Variants in LANCL1 observed in about 807,000 individuals in gnomAD.
LANCL1 encodes glutathione S-transferase LANCL1.
In LANCL1, 50 loss-of-function variants were observed where a neutral mutation model predicts 50.6. That is an observed-to-expected ratio of 0.99 (90% CI 0.79 to 1.25). The LOEUF (loss-of-function observed/expected upper bound fraction) is 1.25, where lower values mean the gene tolerates loss of function less well. LANCL1 is among the 50% of genes most tolerant of loss of function. LANCL1 has a pLI of 0.00. For synonymous variants in LANCL1, 188 were observed against 178.6 expected (o/e 1.05, Z -0.42); for missense variants, 532 against 480.7 (o/e 1.11, Z -1.00).
intron 3 of LANCL1, among the ~76,000 whole-genome samples, chr2:210,455,784 TAA>T (rs1195502335): frequency 1.3e-5 from 2 of 150,646 alleles, no homozygotes; most frequent in African/African-American, 4.9e-5. Flanking sequence ...TCTCTTTACG[TAA>T]AAGTTTGTTT....
chr2:210,438,029 T>C lies in LANCL1; in HGVS notation c.691-157A>G, dbSNP rs996986952. Among the ~76,000 whole-genome samples, 148 of 152,346 alleles carry C rather than the reference T, an allele frequency of 9.7e-4. 1 individual carries two copies. Among genetic ancestry groups the C allele is most frequent in the Middle Eastern group, 6.8e-3 (2 of 294 alleles). On this transcript the variant is annotated intron_variant, in intron 6 of 9. Coordinates refer to ENST00000450366, the MANE Select transcript of LANCL1 (RefSeq NM_006055.3). ...AATTTTTCCACCTATTGGATGCCTTTATTTTAAGCTTTTGTGATTTCATTT... is the reference window on the plus strand; with the variant it reads ...AATTTTTCCACCTATTGGATGCCTTCATTTTAAGCTTTTGTGATTTCATTT...
At position 210,431,815 on chromosome 2, in the gene LANCL1, C is replaced by T. The variant is rs1692754216; in HGVS notation, c.*2672G>A. On this transcript the variant is annotated 3_prime_UTR_variant, in exon 10 of 10. Transcript: ENST00000450366. Reference sequence around the variant, plus strand: ...CAGGATTAAAGACTGACAACTCAGGCCACACCGCCGTCCATGGTATCTATG... The same window carrying T: ...CAGGATTAAAGACTGACAACTCAGGTCACACCGCCGTCCATGGTATCTATG... The T allele has an allele frequency of 6.6e-6, 1 of 152,176 alleles. No individual in the cohort carries two copies. Among genetic ancestry groups the T allele is most frequent in the Admixed American group, 6.5e-5 (1 of 15,282 alleles). The allele number at this position is 152,176 out of a possible 1,614,324, so 9.4% of individuals were successfully genotyped here. A position where few individuals can be genotyped will look rare whatever the true frequency, so the allele number is the denominator to read the frequency against.
At chr2:210,452,981 T>G (rs1390343227) in intron 4 of LANCL1, among the ~76,000 whole-genome samples, 2 of 152,272 alleles carry the variant, frequency 1.3e-5, no homozygotes, top group Non-Finnish European at 2.9e-5. Context: ...TTCTTGAAAT[T>G]AAGTCAAATT....
intron 4 of LANCL1, among the ~76,000 whole-genome samples, chr2:210,454,380 G>A (rs545572571): frequency 4.5e-4 from 69 of 152,110 alleles, no homozygotes; most frequent in Middle Eastern, 3.4e-3. Context: ...ATTAGCCAAC[G>A]GATCCTAGAC....
At chr2:210,442,591 G>C (rs1177830555) in intron 4 of LANCL1, 1 of 152,156 alleles carries the variant, frequency 6.6e-6, no homozygotes, top group African/African-American at 2.4e-5. Flanking sequence ...TCAAAATGTG[G>C]CTCTAAAACC....
intron 3 of LANCL1, among the ~76,000 whole-genome samples, chr2:210,470,683 A>G (rs1456156572): frequency 1.3e-5 from 2 of 152,194 alleles, no homozygotes; most frequent in Admixed American, 1.3e-4. Flanking sequence ...TGTACTAAAG[A>G]GGAAGACTAA....
At chr2:210,460,100 A>T (rs1406563098) in intron 3 of LANCL1, among the ~76,000 whole-genome samples, 4 of 152,152 alleles carry the variant, frequency 2.6e-5, no homozygotes, top group Non-Finnish European at 5.9e-5. Flanking sequence ...CAGATACATG[A>T]ATCTCTCAAA....
chr2:210,448,049 T>G (rs975158296), intron 4 of LANCL1, among the ~76,000 whole-genome samples: 1 of 152,206 alleles, frequency 6.6e-6, no homozygotes, highest in Non-Finnish European at 1.5e-5. Flanking sequence ...CAACAGAATG[T>G]ACATTCTTCT....
At position 210,472,066 on chromosome 2, in the gene LANCL1, T is replaced by A. The variant is rs759734179; in HGVS notation, c.92A>T (p.Glu31Val). 2.5e-6 allele frequency: 4 copies of A among 1,611,694 alleles called. No homozygotes were observed. The African/African-American group carries it at 5.3e-5, about 22-fold the overall frequency. ...YFDAAGRLTP[E>V]FSQRLTNKIR... ...CTTATTGGTCAAGCGTTGTGAGAAC[T>A]CAGGAGTCAGCTAGATATTAAAGGA... Residue 31 changes from glutamate to valine, a missense_variant, in exon 3 of 10, where the codon GAG becomes GTG. By Grantham distance (121) the Glu-to-Val change is moderately radical. Coordinates refer to ENST00000450366, the MANE Select transcript of LANCL1 (RefSeq NM_006055.3).
At chr2:210,475,516 A>G (rs1426263721) in intron 2 of LANCL1, among the ~76,000 whole-genome samples, 2 of 152,112 alleles carry the variant, frequency 1.3e-5, no homozygotes, top group Admixed American at 1.3e-4. Flanking sequence ...AAATTTTAGT[A>G]GAGATAAGGT....
At chr2:210,459,563 A>G (rs1693780246) in intron 3 of LANCL1, among the ~76,000 whole-genome samples, 1 of 152,184 alleles carries the variant, frequency 6.6e-6, no homozygotes, top group African/African-American at 2.4e-5. Context: ...ACATGTGGCT[A>G]GTGGCTGTCG....
intron 4 of LANCL1, among the ~76,000 whole-genome samples, chr2:210,454,215 TACATAC>T (rs1559714483): frequency 1.6e-5 from 2 of 127,842 alleles, no homozygotes; most frequent in Non-Finnish European, 3.3e-5. Flanking sequence ...GAGATATGCA[TACATAC>T]ACACACACAC....
chr2:210,470,048 T>G (rs1694179433), intron 3 of LANCL1, among the ~76,000 whole-genome samples: 1 of 152,118 alleles, frequency 6.6e-6, no homozygotes, highest in Non-Finnish European at 1.5e-5. Context: ...TTGAGCCTTA[T>G]ATATTATTAC....
In LANCL1 at chr2:210,455,568, T is replaced by A. The variant is rs924384501; in HGVS notation, c.200-254A>T. 4.7e-4 allele frequency among the ~76,000 whole-genome samples: 72 copies of A among 152,264 alleles called. 1 individual carries two copies. Among genetic ancestry groups the A allele is most frequent in the Non-Finnish European group, 1.2e-4 (8 of 68,006 alleles). The stretch of plus-strand genomic sequence containing the variant: ...TATTAAATAATAAGGTCTCTAAGGC[T>A]CTGGCCAATAAAGAGACACACAGCC... On this transcript the variant is annotated intron_variant, in intron 3 of 9. Transcript: ENST00000450366.
At chr2:210,462,050 T>C (rs1178301362) in intron 3 of LANCL1, among the ~76,000 whole-genome samples, 1 of 152,202 alleles carries the variant, frequency 6.6e-6, no homozygotes, top group Non-Finnish European at 1.5e-5. Flanking sequence ...TTTAGAATGT[T>C]CTCCCCACTA....
At position 210,471,939 on chromosome 2, in the gene LANCL1, TCA is replaced by T. The variant is rs1490139027; in HGVS notation, c.199+18_199+19del. 1 of 1,527,238 alleles carries T rather than the reference TCA, an allele frequency of 6.5e-7. No homozygotes were observed. Among genetic ancestry groups the T allele is most frequent in the South Asian group, 1.1e-5 (1 of 89,406 alleles). 94.6% of individuals were successfully genotyped at this position (1,527,238 alleles called of 1,614,324 possible). On this transcript the variant is annotated intron_variant, in intron 3 of 9. Coordinates refer to ENST00000450366, the MANE Select transcript of LANCL1 (RefSeq NM_006055.3). ...TCTTAAGCACAATGCTTATGCCAGCTCACAGTCAGCACTTCATACCTGCCCAG... is the reference window on the plus strand; with the variant it reads ...TCTTAAGCACAATGCTTATGCCAGCTCAGTCAGCACTTCATACCTGCCCAG...
At chr2:210,449,578 C>T (rs545441244) in intron 4 of LANCL1, among the ~76,000 whole-genome samples, 5 of 152,220 alleles carry the variant, frequency 3.3e-5, no homozygotes, top group African/African-American at 4.8e-5. Context: ...TGTCTGCAGA[C>T]GACATGATTG....
At position 210,441,384 on chromosome 2, in the gene LANCL1, A is replaced by G; in HGVS notation, c.467T>C (p.Ile156Thr). The change falls in exon 5 of 10, where the codon ATA (isoleucine) becomes ACA (threonine). Residue 156 changes from isoleucine to threonine, a missense_variant. Physicochemically the swap from Ile to Thr is moderately conservative, Grantham distance 89. Transcript: ENST00000450366. ...AAAAAGAAGAGCATAGATGTAGCCT[A>G]TTCGCCCATAGAGCATTTCATTTGG... ...HAPNEMLYGR[I>T]GYIYALLFVN... 6.2e-7 allele frequency: 1 copy of G among 1,612,922 alleles called. No individual in the cohort carries two copies.
intron 9 of LANCL1, among the ~76,000 whole-genome samples, chr2:210,435,027 A>T (rs1474412228): frequency 6.6e-6 from 1 of 152,194 alleles, no homozygotes; most frequent in Non-Finnish European, 1.5e-5. Flanking sequence ...ATGGAGCCAG[A>T]CAAGTTCAAG....
Sources: allele counts gnomAD v4.1 joint callset (sites outside exome capture counted in the v4.1 genomes callset), GRCh38; gene constraint gnomAD v4.1.1; transcripts MANE v1.5; gene names NCBI Gene and HGNC (gene_info 2026-07-23, HGNC 2026-07-21).